Variants in MCM9 observed in about 807,000 individuals in gnomAD.
MCM9 encodes minichromosome maintenance 9 homologous recombination repair factor, also known as DNA helicase MCM9.
Under a neutral mutation model 72.8 loss-of-function variants are expected in MCM9, and 55 were observed. The observed-to-expected ratio is 0.76, with a 90% CI of 0.61 to 0.95. MCM9 has a LOEUF of 0.95. Ranked by LOEUF, MCM9 falls within the 40% of genes least tolerant of loss-of-function variation. The probability of loss-of-function intolerance (pLI) is 0.00; values close to 1 mark genes in which losing one functional copy is unlikely to be tolerated. For missense variants in MCM9, 1,279 were observed against 1,377.0 expected, an observed-to-expected ratio of 0.93 and a Z score of 1.13; for synonymous variants, 480 against 503.4, an observed-to-expected ratio of 0.95 and a Z score of 0.62.
chr6:118,916,472 A>ATTATT (rs1237431915), intron 6 of MCM9, among the ~76,000 whole-genome samples: 4 of 141,186 alleles, frequency 2.8e-5, no homozygotes, highest in African/African-American at 1.1e-4. Context: ...TATTATTATT[A>ATTATT]TTATGAGACA....
intron 9 of MCM9, among the ~76,000 whole-genome samples, chr6:118,854,995 A>C (rs1776463436): frequency 6.6e-6 from 1 of 152,230 alleles, no homozygotes. Context: ...GGAGTAAAAA[A>C]TAAGTCAAAA....
intron 8 of MCM9, chr6:118,907,566 A>G (rs1485836130): frequency 1.2e-6 from 2 of 1,613,630 alleles, no homozygotes; most frequent in African/African-American, 2.7e-5. Context: ...GGTCCACATC[A>G]GAAAACTCAC....
intron 8 of MCM9, chr6:118,905,756 C>G (rs1780139042): frequency 5.6e-6 from 9 of 1,613,168 alleles, no homozygotes; most frequent in Non-Finnish European, 5.9e-6. Context: ...TTAGAGTTGG[C>G]TATTATGTAA....
chr6:118,888,666 T>C (rs1367307566), intron 8 of MCM9, among the ~76,000 whole-genome samples: 1 of 152,074 alleles, frequency 6.6e-6, no homozygotes, highest in African/African-American at 2.4e-5. Context: ...AGCCAAAAAG[T>C]AGAAACCACC....
chr6:118,913,718 G>A (rs942482042), intron 6 of MCM9, among the ~76,000 whole-genome samples: 2 of 152,106 alleles, frequency 1.3e-5, no homozygotes, highest in African/African-American at 4.8e-5. Context: ...TTCTGCCTCA[G>A]CCTCCTGAGT....
chr6:118,933,964 C>CAAA (rs58109173), intron 1 of MCM9, among the ~76,000 whole-genome samples: 3 of 100,304 alleles, frequency 3.0e-5, no homozygotes, highest in Non-Finnish European at 5.9e-5. Context: ...GGACTTTGCC[C>CAAA]AAAAAAAAAA....
intron 9 of MCM9, among the ~76,000 whole-genome samples, chr6:118,836,506 A>G (rs1774970847): frequency 6.6e-6 from 1 of 152,210 alleles, no homozygotes; most frequent in Non-Finnish European, 1.5e-5. Context: ...GCTATTAATT[A>G]CTGCCTCAAT....
intron 8 of MCM9, chr6:118,894,207 G>A (rs1779177083): frequency 1.4e-6 from 2 of 1,400,610 alleles, no homozygotes; most frequent in Non-Finnish European, 1.9e-6. Flanking sequence ...AGCAGAATGG[G>A]CTGTAGTTTA....
At chr6:118,845,972 T>C (rs370172600) in intron 9 of MCM9, among the ~76,000 whole-genome samples, 19 of 151,954 alleles carry the variant, frequency 1.3e-4, no homozygotes, top group Admixed American at 7.2e-4. Flanking sequence ...ATTTCTATAT[T>C]TGAGCTCTTC....
At chr6:118,899,093 G>A (rs1224939940) in intron 8 of MCM9, among the ~76,000 whole-genome samples, 1 of 152,064 alleles carries the variant, frequency 6.6e-6, no homozygotes, top group Admixed American at 6.5e-5. Flanking sequence ...GAATATAACT[G>A]TTGCACAGCC....
At chr6:118,825,851 T>C (rs1295206082) in intron 13 of MCM9, among the ~76,000 whole-genome samples, 1 of 152,144 alleles carries the variant, frequency 6.6e-6, no homozygotes, top group Non-Finnish European at 1.5e-5. Context: ...GCCAACACAA[T>C]GTGGAGCAAA....
intron 8 of MCM9, among the ~76,000 whole-genome samples, chr6:118,884,724 A>C (rs1405281171): frequency 6.6e-6 from 1 of 152,216 alleles, no homozygotes; most frequent in African/African-American, 2.4e-5. Flanking sequence ...AAGTAAAAGG[A>C]TGGAAAAACA....
intron 8 of MCM9, chr6:118,908,702 TG>T (rs1780334309): frequency 6.6e-6 from 1 of 152,498 alleles, no homozygotes; most frequent in South Asian, 2.1e-4. Context: ...ATTAACTAAA[TG>T]GGGTAAAAGG....
chr6:118,845,165 G>C (rs914812716), intron 9 of MCM9, among the ~76,000 whole-genome samples: 1 of 151,816 alleles, frequency 6.6e-6, no homozygotes, highest in South Asian at 2.1e-4. Flanking sequence ...AGCTGAATAA[G>C]CCTAAAAGAC....
intron 9 of MCM9, among the ~76,000 whole-genome samples, chr6:118,843,670 G>GTGTATATATATGTATGTATATA (rs1562407108): frequency 1.2e-4 from 2 of 17,144 alleles, no homozygotes; most frequent in African/African-American, 2.0e-4. Flanking sequence ...ATATATATAT[G>GTGTATATATATGTATGTATATA]TATGTATATA....
intron 8 of MCM9, chr6:118,894,212 A>G: frequency 1.4e-6 from 2 of 1,404,670 alleles, no homozygotes; most frequent in Non-Finnish European, 1.8e-6. Context: ...AATGGGCTGT[A>G]GTTTAGTGAA....
intron 13 of MCM9, among the ~76,000 whole-genome samples, chr6:118,821,214 A>T (rs409849): frequency 1.3e-5 from 2 of 152,100 alleles, no homozygotes; most frequent in Admixed American, 1.3e-4. Context: ...GTTTCTTCAT[A>T]GCATCAACGG....
intron 8 of MCM9, among the ~76,000 whole-genome samples, chr6:118,893,510 G>A (rs1382784953): frequency 1.3e-5 from 2 of 152,098 alleles, no homozygotes; most frequent in African/African-American, 2.4e-5. Flanking sequence ...CAAGCCCAAA[G>A]GTTACCTATT....
intron 8 of MCM9, among the ~76,000 whole-genome samples, chr6:118,869,432 T>G (rs1196047745): frequency 6.6e-6 from 1 of 151,782 alleles, no homozygotes; most frequent in East Asian, 1.9e-4. Flanking sequence ...TAAGGTGTCA[T>G]CAACTTAAAA....
Sources: gnomAD v4.1 joint callset for allele counts (sites outside exome capture counted in the v4.1 genomes callset) on GRCh38, gnomAD v4.1.1 for gene constraint, MANE v1.5 for transcripts, NCBI Gene and HGNC (gene_info 2026-07-23, HGNC 2026-07-21) for gene names.